Variants in MGMT observed in about 807,000 individuals in gnomAD.
The protein encoded by MGMT is methylated-DNA--protein-cysteine methyltransferase.
In MGMT, 14 loss-of-function variants were observed where a neutral mutation model predicts 15.9. That is an observed-to-expected ratio of 0.88 (90% confidence interval 0.58 to 1.37). MGMT has a LOEUF of 1.37. Ranked by LOEUF, MGMT falls within the 40% of genes most tolerant of loss-of-function variation. The pLI is 0.00. For synonymous variants in MGMT, 130 were observed against 118.2 expected, an observed-to-expected ratio of 1.10 and a Z score of -0.65; for missense variants, 282 against 268.1, an observed-to-expected ratio of 1.05 and a Z score of -0.36.
At chr10:129,636,046 T>A (rs942130743) in intron 2 of MGMT, among the ~76,000 whole-genome samples, 4 of 152,252 alleles carry the variant, frequency 2.6e-5, no homozygotes, top group Non-Finnish European at 5.9e-5. Flanking sequence ...AGATAGAATG[T>A]GGTTTTCTGA....
intron 3 of MGMT, among the ~76,000 whole-genome samples, chr10:129,758,972 C>T (rs931070516): frequency 3.3e-5 from 5 of 152,250 alleles, no homozygotes; most frequent in African/African-American, 4.8e-5. Flanking sequence ...ACCTGTGGTG[C>T]CAGCTCCAAG....
intron 2 of MGMT, among the ~76,000 whole-genome samples, chr10:129,620,506 A>C (rs1417902826): frequency 6.6e-6 from 1 of 152,126 alleles, no homozygotes; most frequent in Non-Finnish European, 1.5e-5. Context: ...CCTTCTGTAC[A>C]TTTGCTAGTA....
chr10:129,487,977 GTA>G (rs1491318393), intron 1 of MGMT, among the ~76,000 whole-genome samples: 1 of 9,570 alleles, frequency 1.0e-4, no homozygotes, highest in African/African-American at 3.4e-4. Flanking sequence ...GTATACGCAG[GTA>G]TACACACACA....
intron 2 of MGMT, among the ~76,000 whole-genome samples, chr10:129,578,758 T>G (rs1304846683): frequency 6.6e-6 from 1 of 152,248 alleles, no homozygotes; most frequent in Non-Finnish European, 1.5e-5. Flanking sequence ...GTTAGGATTA[T>G]TAAGCAACTA....
chr10:129,716,376 TAAGA>T (rs1056089907), intron 3 of MGMT, among the ~76,000 whole-genome samples: 5 of 152,250 alleles, frequency 3.3e-5, no homozygotes, highest in Non-Finnish European at 5.9e-5. Flanking sequence ...ACATATTGTG[TAAGA>T]AAGGGGAATT....
intron 4 of MGMT, among the ~76,000 whole-genome samples, chr10:129,762,069 G>A (rs1028814874): frequency 1.3e-5 from 2 of 152,214 alleles, no homozygotes; most frequent in African/African-American, 2.4e-5. Flanking sequence ...GAGGAAGGGC[G>A]CTGGCCAGCA....
intron 2 of MGMT, among the ~76,000 whole-genome samples, chr10:129,606,520 G>T (rs188820733): frequency 8.3e-4 from 126 of 152,338 alleles, no homozygotes; most frequent in African/African-American, 2.9e-3. Context: ...CCGGCGCTAG[G>T]CAGTAATTTA....
At position 129,685,461 on chromosome 10, in the gene MGMT, C is replaced by T. The variant is rs558824125; in HGVS notation, c.126-22434C>T. ...TTAACGTCTCCGCTGAGCCTGCCAC[C>T]TCCTGGCCTCCTCGACCCTCCACCT... is the stretch of plus-strand genomic sequence containing the variant. On this transcript the variant is annotated intron_variant, in intron 2 of 4. Transcript: ENST00000651593. Among the ~76,000 whole-genome samples, 3 of 152,298 alleles carry T rather than the reference C, an allele frequency of 2.0e-5. No individual in the cohort carries two copies. In the East Asian group the frequency reaches 5.8e-4, roughly 29 times the overall value.
At chr10:129,467,359 C>G in intron 1 of MGMT, 63 bp downstream of exon 1, 3 of 1,471,006 alleles carry the variant, frequency 2.0e-6, no homozygotes, top group Non-Finnish European at 1.8e-6. Context: ...ACGGTGGCAG[C>G]CTCGAGTGGT....
intron 2 of MGMT, among the ~76,000 whole-genome samples, chr10:129,653,117 G>A (rs764545399): frequency 6.6e-6 from 1 of 152,166 alleles, no homozygotes; most frequent in Non-Finnish European, 1.5e-5. Flanking sequence ...CATGGTCCGG[G>A]TTATACACAG....
At chr10:129,756,622 A>G (rs79678907) in intron 3 of MGMT, among the ~76,000 whole-genome samples, 5,090 of 152,268 alleles carry the variant, frequency 0.033, 296 homozygotes, top group African/African-American at 0.12. Context: ...GACGAGCACC[A>G]CCACGCCTGG....
At chr10:129,501,986 C>T (rs1407993771) in intron 1 of MGMT, among the ~76,000 whole-genome samples, 2 of 152,208 alleles carry the variant, frequency 1.3e-5, no homozygotes, top group African/African-American at 2.4e-5. Context: ...TGGTTCTCCC[C>T]ATGTGATACT....
intron 1 of MGMT, among the ~76,000 whole-genome samples, chr10:129,523,907 A>G (rs1489864694): frequency 2.6e-5 from 4 of 152,132 alleles, no homozygotes; most frequent in Non-Finnish European, 5.9e-5. Context: ...GGTGGGTTTC[A>G]TTACCCTCCT....
chr10:129,565,124 C>T (rs954284981), intron 2 of MGMT, among the ~76,000 whole-genome samples: 31 of 152,278 alleles, frequency 2.0e-4, no homozygotes, highest in African/African-American at 6.0e-4. Context: ...CCGGCGGGGC[C>T]GGGGTGTGGC....
intron 2 of MGMT, among the ~76,000 whole-genome samples, chr10:129,628,849 G>A (rs777044011): frequency 2.6e-5 from 4 of 152,144 alleles, no homozygotes; most frequent in African/African-American, 9.7e-5. Flanking sequence ...GAAGATTCTG[G>A]TTTTTCACGA....
At chr10:129,572,269 C>T (rs1057394300) in intron 2 of MGMT, among the ~76,000 whole-genome samples, 17 of 152,080 alleles carry the variant, frequency 1.1e-4, no homozygotes, top group African/African-American at 4.1e-4. Flanking sequence ...TGAAACTTGT[C>T]CTGGAAAACC....
Position 129,533,602 on chromosome 10 carries a change from TGTC to T in MGMT, c.-12-2638_-12-2636del, listed in dbSNP as rs1845955573. ...TCTCACGTTGCCTCTAGAGCCCTGT[TGTC>T]TGACCAGTATCTTCTGTGAACATAC... On this transcript the variant is annotated intron_variant, in intron 1 of 4. Coordinates refer to ENST00000651593, the MANE Select transcript of MGMT (RefSeq NM_002412.5). The surrounding 1 kb of genome is among the most constrained non-coding windows in gnomAD (Gnocchi z 4.5). Among the ~76,000 whole-genome samples, 1 of 152,188 alleles carries T rather than the reference TGTC, an allele frequency of 6.6e-6. No homozygotes were observed. The highest frequency in any genetic ancestry group is 2.4e-5 in the African/African-American group (1 of 41,446).
chr10:129,540,366 A>G (rs1366305700), intron 2 of MGMT, among the ~76,000 whole-genome samples: 2 of 152,096 alleles, frequency 1.3e-5, no homozygotes, highest in African/African-American at 4.8e-5. Context: ...GTTATGCTTT[A>G]ATTTCTTCTA....
intron 3 of MGMT, among the ~76,000 whole-genome samples, chr10:129,743,531 G>A (rs1453006606): frequency 6.6e-6 from 1 of 152,184 alleles, no homozygotes; most frequent in Non-Finnish European, 1.5e-5. Flanking sequence ...AACTCAGTCT[G>A]TCCCTGCCCA....
Sources: gnomAD v4.1 joint callset for allele counts (sites outside exome capture counted in the v4.1 genomes callset) on GRCh38, gnomAD v4.1.1 for gene constraint, Gnocchi (gnomAD v3.1) non-coding constraint, MANE v1.5 for transcripts, NCBI Gene and HGNC (gene_info 2026-07-23, HGNC 2026-07-21) for gene names.